Variants in TSPAN9 observed in about 807,000 individuals in gnomAD.
TSPAN9 encodes the protein tetraspanin 9.
Under a neutral mutation model 31.0 loss-of-function variants are expected in TSPAN9, and 16 were observed. That is an observed-to-expected ratio of 0.52 (90% CI 0.35 to 0.78). The LOEUF is 0.78. TSPAN9 is among the 30% of genes least tolerant of loss of function. The pLI is 0.01. For missense variants in TSPAN9, 272 were observed against 312.5 expected, an observed-to-expected ratio of 0.87 and a Z score of 0.98; for synonymous variants, 145 against 121.6, an observed-to-expected ratio of 1.19 and a Z score of -1.27.
At chr12:3,198,740 C>T (rs1284953482) in intron 2 of TSPAN9, among the ~76,000 whole-genome samples, 38 of 49,190 alleles carry the variant, frequency 7.7e-4, no homozygotes, top group East Asian at 1.5e-3. Context: ...CCAGCACAGG[C>T]CACCACCAGC....
Position 3,129,066 on chromosome 12 carries a change from AG to A in TSPAN9, c.-18+45349del, listed in dbSNP as rs146749390. Reference sequence around the variant, plus strand: ...TACTTCACTTAGCATTGTACCCTCAAGGTTCATCCATGCTGTAGCCTGTGTC... The same window carrying A: ...TACTTCACTTAGCATTGTACCCTCAAGTTCATCCATGCTGTAGCCTGTGTC... On this transcript the variant is annotated intron_variant, in intron 2 of 8. Coordinates refer to ENST00000011898, the MANE Select transcript of TSPAN9 (RefSeq NM_006675.5). Among the ~76,000 whole-genome samples, 731 of 152,276 alleles carry A rather than the reference AG, an allele frequency of 4.8e-3. 5 individuals carry two copies. Among genetic ancestry groups the A allele is most frequent in the African/African-American group, 0.017 (698 of 41,542 alleles).
intron 3 of TSPAN9, among the ~76,000 whole-genome samples, chr12:3,216,056 C>T (rs968447707): frequency 6.6e-6 from 1 of 152,316 alleles, no homozygotes; most frequent in Non-Finnish European, 1.5e-5. Context: ...GCTTCCTTCT[C>T]AGTCGCTCTG....
chr12:3,196,751 C>T (rs1178167514), intron 2 of TSPAN9, among the ~76,000 whole-genome samples: 1 of 152,230 alleles, frequency 6.6e-6, no homozygotes, highest in Non-Finnish European at 1.5e-5. Context: ...GCAGCCTCCA[C>T]TTCCTCTCCT....
chr12:3,188,767 G>A (rs755839706), intron 2 of TSPAN9, among the ~76,000 whole-genome samples: 25 of 152,180 alleles, frequency 1.6e-4, no homozygotes, highest in Non-Finnish European at 3.2e-4. Flanking sequence ...TGGATCTGGT[G>A]GGTGACTCCA....
At chr12:3,151,996 A>G (rs2098339988) in intron 2 of TSPAN9, among the ~76,000 whole-genome samples, 1 of 152,136 alleles carries the variant, frequency 6.6e-6, no homozygotes, top group Admixed American at 6.5e-5. Flanking sequence ...GCGTAAGTAA[A>G]TTTCCTGCAA....
rs372041247 is a variant in TSPAN9, at chr12:3,155,977, T to G, written c.-17-45200T>G. ...GTTTTCCCGGATGACAGCCATGACG[T>G]ATGAGCCTAGTGATACTTAAGAGAT... On this transcript the variant is annotated intron_variant, in intron 2 of 8. Transcript: ENST00000011898. 3.9e-5 allele frequency among the ~76,000 whole-genome samples: 6 copies of G among 152,168 alleles called. No individual in the cohort carries two copies. In the East Asian group the frequency reaches 7.7e-4, roughly 19 times the overall value.
intron 2 of TSPAN9, among the ~76,000 whole-genome samples, chr12:3,130,943 C>A (rs577437250): frequency 6.6e-6 from 1 of 152,272 alleles, no homozygotes; most frequent in African/African-American, 2.4e-5. Context: ...AGGGGTCTTA[C>A]GTTGTAGCCG....
intron 3 of TSPAN9, among the ~76,000 whole-genome samples, chr12:3,205,642 G>C (rs1281879922): frequency 6.6e-6 from 1 of 152,082 alleles, no homozygotes; most frequent in Non-Finnish European, 1.5e-5. Flanking sequence ...CAGGGAGCTT[G>C]GGTTCAGACC....
chr12:3,233,495 A>C (rs1431290743), intron 3 of TSPAN9, among the ~76,000 whole-genome samples: 2 of 152,266 alleles, frequency 1.3e-5, no homozygotes, highest in South Asian at 4.2e-4. Context: ...GATGCATTCT[A>C]TAGTTGCATG....
At chr12:3,084,280 A>T (rs2098299325) in intron 2 of TSPAN9, 1 of 152,342 alleles carries the variant, frequency 6.6e-6, no homozygotes, top group African/African-American at 2.4e-5. Flanking sequence ...CAGACTACAG[A>T]CCAGGCAGCC....
intron 2 of TSPAN9, among the ~76,000 whole-genome samples, chr12:3,179,776 G>T (rs938443780): frequency 1.3e-5 from 2 of 152,142 alleles, no homozygotes; most frequent in East Asian, 1.9e-4. Context: ...TCCCCATTTT[G>T]CAGGCGAGCA....
intron 2 of TSPAN9, among the ~76,000 whole-genome samples, chr12:3,140,356 C>A (rs891464169): frequency 6.6e-6 from 1 of 152,086 alleles, no homozygotes; most frequent in Non-Finnish European, 1.5e-5. Flanking sequence ...GAACAAGATA[C>A]GGGCCAGTTT....
chr12:3,180,767 C>T lies in TSPAN9; in HGVS notation c.-17-20410C>T, dbSNP rs180812639. The stretch of plus-strand genomic sequence containing the variant: ...GCCCTTTTTAACAAGGTCTCCATCA[C>T]CTTAACATCACCTTTCTAAAATAAA... On this transcript the variant is annotated intron_variant, in intron 2 of 8. Coordinates refer to ENST00000011898, the MANE Select transcript of TSPAN9 (RefSeq NM_006675.5). Among the ~76,000 whole-genome samples the T allele has an allele frequency of 4.5e-4, 68 of 152,282 alleles. 1 individual carries two copies. Among genetic ancestry groups the T allele is most frequent in the African/African-American group, 1.5e-3 (64 of 41,558 alleles).
intron 2 of TSPAN9, among the ~76,000 whole-genome samples, chr12:3,127,153 C>A (rs1025178729): frequency 6.6e-6 from 1 of 151,498 alleles, no homozygotes; most frequent in African/African-American, 2.4e-5. Flanking sequence ...ATAATCCCAG[C>A]ACTTTGGGAG....
intron 2 of TSPAN9, among the ~76,000 whole-genome samples, chr12:3,165,072 A>G (rs1221583953): frequency 2.0e-5 from 3 of 152,128 alleles, no homozygotes; most frequent in African/African-American, 7.2e-5. Context: ...TGGGGTCAGC[A>G]AGCTTGCAGA....
At chr12:3,127,125 G>A (rs999935918) in intron 2 of TSPAN9, among the ~76,000 whole-genome samples, 1 of 151,484 alleles carries the variant, frequency 6.6e-6, no homozygotes, top group Admixed American at 6.6e-5. Context: ...TTCTGGCCAG[G>A]TGTGGAGGCT....
At chr12:3,077,976 T>A (rs1415134489) in intron 1 of TSPAN9, among the ~76,000 whole-genome samples, 3 of 152,224 alleles carry the variant, frequency 2.0e-5, no homozygotes, top group African/African-American at 7.2e-5. Context: ...CTAGCCCATC[T>A]GTGCATTCAA....
At chr12:3,153,544 GATC>G (rs149021575) in intron 2 of TSPAN9, among the ~76,000 whole-genome samples, 6 of 151,942 alleles carry the variant, frequency 3.9e-5, no homozygotes, top group Non-Finnish European at 8.8e-5. Flanking sequence ...TCACAATTAT[GATC>G]ATCATCATCA....
intron 2 of TSPAN9, among the ~76,000 whole-genome samples, chr12:3,139,251 G>A (rs965845377): frequency 2.0e-5 from 3 of 152,242 alleles, no homozygotes; most frequent in Non-Finnish European, 4.4e-5. Flanking sequence ...ATCCTTGGCA[G>A]GGTTGTTCTC....
Sources: allele counts gnomAD v4.1 joint callset (sites outside exome capture counted in the v4.1 genomes callset), GRCh38; gene constraint gnomAD v4.1.1; transcripts MANE v1.5; gene names NCBI Gene and HGNC (gene_info 2026-07-23, HGNC 2026-07-21).